Variants in RALGAPA2 observed in about 807,000 individuals in gnomAD.
The protein encoded by RALGAPA2 is ral GTPase-activating protein subunit alpha-2.
RALGAPA2 carries 139 observed loss-of-function variants against 230.4 expected under a neutral mutation model. The ratio of observed to expected loss-of-function variants is 0.60; its 90% CI spans 0.53 to 0.69. RALGAPA2 has a LOEUF of 0.69. Among genes scored for constraint, RALGAPA2 ranks in the 30% least tolerant of loss-of-function variants. RALGAPA2 has a pLI of 0.00. For missense variants in RALGAPA2, 2,163 were observed against 2,276.0 expected, an observed-to-expected ratio of 0.95 and a Z score of 1.01; for synonymous variants, 847 against 837.8, an observed-to-expected ratio of 1.01 and a Z score of -0.19.
intron 20 of RALGAPA2, among the ~76,000 whole-genome samples, chr20:20,578,978 G>A (rs915269522): frequency 6.6e-6 from 1 of 152,068 alleles, no homozygotes. Context: ...TCATGACTTC[G>A]AAACACATCA....
Position 20,505,325 on chromosome 20 carries a change from A to C in RALGAPA2, c.5052+86T>G, listed in dbSNP as rs2062499867. 2.3e-6 allele frequency: 3 copies of C among 1,314,470 alleles called. No individual in the cohort carries two copies. In the African/African-American group the frequency reaches 4.6e-5, roughly 20 times the overall value. 81.4% of individuals were successfully genotyped at this position (1,314,470 alleles called of 1,614,324 possible). Reference sequence around the variant, plus strand: ...CTATGCTATATTTGAATGCAAAAGCACATGTAAAAACTTACACAATGTCTA... The same window carrying C: ...CTATGCTATATTTGAATGCAAAAGCCCATGTAAAAACTTACACAATGTCTA... On this transcript the variant is annotated intron_variant, in intron 34 of 39. Coordinates refer to ENST00000202677, the MANE Select transcript of RALGAPA2 (RefSeq NM_020343.4).
At chr20:20,635,278 C>T in intron 9 of RALGAPA2, 140 bp downstream of exon 9, 8 of 846,214 alleles carry the variant, frequency 9.5e-6, no homozygotes, top group Non-Finnish European at 1.5e-5. Context: ...GCATTACAGA[C>T]AGGGTAGGCC....
rs755027669 is a variant in RALGAPA2, at chr20:20,472,854, A to C, written c.5470T>G (p.Cys1824Gly). The C allele has an allele frequency of 2.5e-6, 4 of 1,613,522 alleles. No homozygotes were observed. The South Asian group carries it at 4.4e-5, about 18-fold the overall frequency. ...AAGCTCTGGTAGAGTGGGATGAGGCACTTCACAGCCCTGCTGGCGTTGATG... is the reference window on the plus strand; with the variant it reads ...AAGCTCTGGTAGAGTGGGATGAGGCCCTTCACAGCCCTGCTGGCGTTGATG... ...TCINASRAVK[C>G]LIPLYQSFYE... is the part of the protein sequence containing the mutation. The change falls in exon 37 of 40, where the codon TGC (cysteine) becomes GGC (glycine). Residue 1824 changes from cysteine to glycine, a missense_variant. Coordinates refer to ENST00000202677, the MANE Select transcript of RALGAPA2 (RefSeq NM_020343.4).
chr20:20,451,729 A>G (rs2060993440), intron 37 of RALGAPA2, among the ~76,000 whole-genome samples: 1 of 152,256 alleles, frequency 6.6e-6, no homozygotes, highest in African/African-American at 2.4e-5. Flanking sequence ...CAACTGATCC[A>G]AAGTTTAGGA....
intron 1 of RALGAPA2, among the ~76,000 whole-genome samples, chr20:20,688,032 G>A (rs750940530): frequency 3.3e-5 from 5 of 152,066 alleles, no homozygotes; most frequent in Non-Finnish European, 7.4e-5. Context: ...TCTACATCAG[G>A]AGGCAAAAAC....
At chr20:20,414,144 A>C (rs947829851) in intron 37 of RALGAPA2, among the ~76,000 whole-genome samples, 6 of 152,206 alleles carry the variant, frequency 3.9e-5, no homozygotes, top group Non-Finnish European at 7.3e-5. Flanking sequence ...GGCGTGACAA[A>C]TTACTCAAAG....
intron 4 of RALGAPA2, among the ~76,000 whole-genome samples, chr20:20,648,667 G>C (rs1259949398): frequency 6.6e-6 from 1 of 151,976 alleles, no homozygotes; most frequent in African/African-American, 2.4e-5. Flanking sequence ...GATTGCGGTG[G>C]GGGTTGATGG....
intron 37 of RALGAPA2, among the ~76,000 whole-genome samples, chr20:20,464,120 G>T (rs985427695): frequency 1.3e-5 from 2 of 152,114 alleles, no homozygotes; most frequent in East Asian, 3.9e-4. Flanking sequence ...CAACCTTCCC[G>T]CAACAGACCC....
intron 15 of RALGAPA2, among the ~76,000 whole-genome samples, chr20:20,602,815 T>C (rs1173720955): frequency 1.3e-5 from 1 of 74,284 alleles, no homozygotes; most frequent in Non-Finnish European, 3.1e-5. Context: ...ATGGCAGGCG[T>C]GTGTGTGTGT....
intron 13 of RALGAPA2, 31 bp from the exon 14 acceptor site, chr20:20,611,457 A>C (rs1333078587): frequency 3.7e-6 from 6 of 1,602,852 alleles, no homozygotes; most frequent in Non-Finnish European, 5.1e-6. Context: ...GCTCATATTA[A>C]TAATCATGTC....
At chr20:20,405,823 T>C (rs2059933591) in intron 38 of RALGAPA2, among the ~76,000 whole-genome samples, 1 of 152,206 alleles carries the variant, frequency 6.6e-6, no homozygotes, top group Non-Finnish European at 1.5e-5. Context: ...AGATGAAACA[T>C]AATTACGAGT....
chr20:20,597,319 A>G (rs1175308102), intron 16 of RALGAPA2, among the ~76,000 whole-genome samples: 1 of 152,198 alleles, frequency 6.6e-6, no homozygotes. Context: ...TTAAAACTCA[A>G]CAGTAATGTA....
At chr20:20,561,738 T>C (rs2064262871) in intron 23 of RALGAPA2, among the ~76,000 whole-genome samples, 3 of 152,184 alleles carry the variant, frequency 2.0e-5, no homozygotes, top group African/African-American at 7.2e-5. Context: ...GATTACTGAG[T>C]TGTGTCATTT....
chr20:20,598,633 A>T (rs1212833352), intron 16 of RALGAPA2: 1 of 420,838 alleles, frequency 2.4e-6, no homozygotes, highest in Non-Finnish European at 4.8e-6. Context: ...GGCAAGCGGG[A>T]GAAGCCCAGG....
intron 37 of RALGAPA2, among the ~76,000 whole-genome samples, chr20:20,432,003 C>A (rs947608364): frequency 2.0e-5 from 3 of 152,146 alleles, no homozygotes; most frequent in African/African-American, 7.2e-5. Context: ...ATGGGTTATA[C>A]ATCAGTTAAC....
At chr20:20,496,971 CG>C (rs1720937673) in intron 35 of RALGAPA2, among the ~76,000 whole-genome samples, 2 of 152,318 alleles carry the variant, frequency 1.3e-5, no homozygotes, top group African/African-American at 4.8e-5. Context: ...AATGCAACTG[CG>C]GGTGCTGAGC....
chr20:20,667,025 A>G (rs1037200311), intron 3 of RALGAPA2, among the ~76,000 whole-genome samples: 2 of 152,218 alleles, frequency 1.3e-5, no homozygotes, highest in African/African-American at 2.4e-5. Flanking sequence ...TAGGCAATTC[A>G]CTATTAGTAT....
intron 4 of RALGAPA2, among the ~76,000 whole-genome samples, chr20:20,650,155 T>A (rs1421387038): frequency 1.3e-5 from 2 of 152,108 alleles, no homozygotes; most frequent in Non-Finnish European, 2.9e-5. Context: ...ATTGCAAAAC[T>A]TACGAGTTCA....
intron 13 of RALGAPA2, 35 bp from the exon 14 acceptor site, chr20:20,611,461 T>C (rs1288121813): frequency 1.9e-6 from 3 of 1,602,222 alleles, no homozygotes; most frequent in Non-Finnish European, 2.6e-6. Context: ...ATATTAATAA[T>C]CATGTCTCCA....
Sources: gnomAD v4.1 joint callset for allele counts (sites outside exome capture counted in the v4.1 genomes callset) on GRCh38, gnomAD v4.1.1 for gene constraint, MANE v1.5 for transcripts, NCBI Gene and HGNC (gene_info 2026-07-23, HGNC 2026-07-21) for gene names.